Variants in NSF observed in about 807,000 individuals in gnomAD.
The protein encoded by NSF is N-ethylmaleimide sensitive factor, vesicle fusing ATPase, also known as vesicle-fusing ATPase.
A neutral mutation model predicts 50.3 loss-of-function variants in NSF; 14 were observed. The ratio of observed to expected loss-of-function variants is 0.28; its 90% CI spans 0.18 to 0.44. The LOEUF (loss-of-function observed/expected upper bound fraction) is 0.44, where lower values mean the gene tolerates loss of function less well. Among genes scored for constraint, NSF ranks in the 20% least tolerant of loss-of-function variants. The pLI is 1.00. For missense variants in NSF, 218 were observed against 504.3 expected (o/e 0.43, Z 5.44); for synonymous variants, 109 against 175.7 (o/e 0.62, Z 3.00).
intron 19 of NSF, among the ~76,000 whole-genome samples, chr17:46,752,640 G>A (rs75963884): frequency 5.9e-5 from 9 of 152,136 alleles, no homozygotes; most frequent in Admixed American, 5.2e-4. Flanking sequence ...ATTTTTTGTA[G>A]AAACATGGTT....
chr17:46,690,569 G>A (rs1368053913), intron 9 of NSF, among the ~76,000 whole-genome samples: 1 of 91,228 alleles, frequency 1.1e-5, no homozygotes, highest in Non-Finnish European at 2.1e-5. Context: ...CCAAGATCAC[G>A]CCACTGCACT....
intron 17 of NSF, among the ~76,000 whole-genome samples, chr17:46,747,909 T>G (rs2059147057): frequency 6.6e-6 from 1 of 152,130 alleles, no homozygotes; most frequent in Non-Finnish European, 1.5e-5. Context: ...AGGAATCTAG[T>G]GCCAGCAAAA....
At chr17:46,717,797 G>A (rs896939756) in intron 15 of NSF, among the ~76,000 whole-genome samples, 2 of 152,114 alleles carry the variant, frequency 1.3e-5, no homozygotes, top group African/African-American at 4.8e-5. Flanking sequence ...CAGTGCCAGC[G>A]GCAAGCGAAC....
At chr17:46,753,542 C>G (rs1948997014) in intron 19 of NSF, among the ~76,000 whole-genome samples, 1 of 151,754 alleles carries the variant, frequency 6.6e-6, no homozygotes, top group Non-Finnish European at 1.5e-5. Context: ...GGTGTATTGG[C>G]TCTTTCCTTG....
intron 17 of NSF, among the ~76,000 whole-genome samples, chr17:46,734,332 C>T (rs1362298533): frequency 6.6e-6 from 1 of 151,984 alleles, no homozygotes; most frequent in Non-Finnish European, 1.5e-5. Context: ...GTCATTTTGC[C>T]AGACACATTA....
At chr17:46,738,816 C>T (rs1031169057) in intron 17 of NSF, among the ~76,000 whole-genome samples, 7 of 152,256 alleles carry the variant, frequency 4.6e-5, no homozygotes, top group African/African-American at 1.7e-4. Context: ...GAGAACTAAA[C>T]TGTGGTTGGG....
intron 15 of NSF, among the ~76,000 whole-genome samples, chr17:46,723,572 G>A (rs2058855252): frequency 6.6e-6 from 1 of 152,094 alleles, no homozygotes; most frequent in African/African-American, 2.4e-5. Flanking sequence ...GAAGATAAAA[G>A]GCCCTTCCCT....
At position 46,716,082 on chromosome 17, in the gene NSF, A is replaced by G. The variant is rs576207390; in HGVS notation, c.1761+2096A>G. 3.3e-5 allele frequency among the ~76,000 whole-genome samples: 5 copies of G among 152,332 alleles called. No homozygotes were observed. The South Asian group carries it at 1.0e-3, about 32-fold the overall frequency. On this transcript the variant is annotated intron_variant, in intron 15 of 20. Transcript: ENST00000398238. ...TTCTTAGAAATATATTAGAAATATTACAAAATATTTCCCTGCAAATAGTTT... is the reference window on the plus strand; with the variant it reads ...TTCTTAGAAATATATTAGAAATATTGCAAAATATTTCCCTGCAAATAGTTT...
At chr17:46,735,195 T>C (rs1285741982) in intron 17 of NSF, among the ~76,000 whole-genome samples, 1 of 152,206 alleles carries the variant, frequency 6.6e-6, no homozygotes, top group African/African-American at 2.4e-5. Flanking sequence ...AATACCAGAA[T>C]AAATTATAAG....
intron 17 of NSF, among the ~76,000 whole-genome samples, chr17:46,732,644 G>T (rs1021432020): frequency 1.3e-5 from 2 of 152,242 alleles, no homozygotes; most frequent in South Asian, 2.1e-4. Context: ...TCTGCAGTTC[G>T]TGAAGAGTGA....
chr17:46,735,142 G>T (rs2058988018), intron 17 of NSF, among the ~76,000 whole-genome samples: 1 of 151,960 alleles, frequency 6.6e-6, no homozygotes, highest in Non-Finnish European at 1.5e-5. Flanking sequence ...TTCAAAATAG[G>T]GTTTTGTTTT....
intron 15 of NSF, among the ~76,000 whole-genome samples, chr17:46,722,725 G>C (rs1051940865): frequency 1.3e-5 from 2 of 152,170 alleles, no homozygotes; most frequent in African/African-American, 4.8e-5. Context: ...CTAGTGACTA[G>C]ATAAGGAAGA....
intron 14 of NSF, among the ~76,000 whole-genome samples, chr17:46,712,134 C>T (rs2058725654): frequency 6.6e-6 from 1 of 152,110 alleles, no homozygotes; most frequent in South Asian, 2.1e-4. Context: ...TTGGATTAGT[C>T]TTAATGAGAG....
chr17:46,719,279 T>C lies in NSF; in HGVS notation c.1761+5293T>C, dbSNP rs1384663728. 1.3e-5 allele frequency among the ~76,000 whole-genome samples: 2 copies of C among 152,234 alleles called. No individual in the cohort carries two copies. Among genetic ancestry groups the C allele is most frequent in the Non-Finnish European group, 2.9e-5 (2 of 68,038 alleles). On this transcript the variant is annotated intron_variant, in intron 15 of 20. Transcript: ENST00000398238. This position sits in a 1 kb window ranked among gnomAD's most constrained non-coding sequence, Gnocchi z 4.3. Reference sequence around the variant, plus strand: ...AGATGTGTGGTCTGAATTAGTTAATTCATAGAGCATCTTTACCTACCACTT... The same window carrying C: ...AGATGTGTGGTCTGAATTAGTTAATCCATAGAGCATCTTTACCTACCACTT...
At chr17:46,697,237 G>A (rs2058603691) in intron 12 of NSF, among the ~76,000 whole-genome samples, 1 of 121,218 alleles carries the variant, frequency 8.2e-6, no homozygotes, top group African/African-American at 3.5e-5. Context: ...TTGAAACAGA[G>A]TCTTACTCTG....
chr17:46,713,920 C>G lies in NSF; in HGVS notation c.1695C>G (p.Ile565Met). Residue 565 changes from isoleucine to methionine, a missense_variant, in exon 15 of 21, where the codon ATC (isoleucine) becomes ATG (methionine). This residue lies in a region of NSF where 209 missense variants were observed against 320.9 expected (regional missense o/e 0.65). Transcript: ENST00000398238. Reference sequence around the variant, plus strand: ...CAGAGGAATCCAACTTCCCGTTCATCAAGATCTGTTCTCCTGATAAAATGA... The same window carrying G: ...CAGAGGAATCCAACTTCCCGTTCATGAAGATCTGTTCTCCTGATAAAATGA... ...KIAEESNFPF[I>M]KICSPDKMIG... 6.2e-7 allele frequency: 1 copy of G among 1,612,586 alleles called. No individual in the cohort carries two copies. The highest frequency in any genetic ancestry group is 8.5e-7 in the Non-Finnish European group (1 of 1,179,640).
At chr17:46,605,505 C>T (rs1370465062) in intron 1 of NSF, among the ~76,000 whole-genome samples, 37 of 143,956 alleles carry the variant, frequency 2.6e-4, no homozygotes, top group Middle Eastern at 7.2e-3. Flanking sequence ...AAGTATTTGG[C>T]TGTCAGCTGT....
At chr17:46,729,620 C>T (rs1226255754) in intron 17 of NSF, among the ~76,000 whole-genome samples, 3 of 152,114 alleles carry the variant, frequency 2.0e-5, no homozygotes, top group Admixed American at 2.0e-4. Flanking sequence ...TTGATTGATT[C>T]TGCATGCTGT....
intron 17 of NSF, among the ~76,000 whole-genome samples, chr17:46,746,188 T>A (rs1489776068): frequency 6.6e-6 from 1 of 152,252 alleles, no homozygotes; most frequent in Non-Finnish European, 1.5e-5. Flanking sequence ...AAGCATTTGA[T>A]TTTTTCCTAG....
Sources: allele counts gnomAD v4.1 joint callset (sites outside exome capture counted in the v4.1 genomes callset), GRCh38; gene constraint gnomAD v4.1.1; regional missense constraint gnomAD v4.1.1; non-coding constraint Gnocchi (gnomAD v3.1); transcripts MANE v1.5; gene names NCBI Gene and HGNC (gene_info 2026-07-23, HGNC 2026-07-21).